The following VRK2 variants were observed in gnomAD, a reference collection of about 807,000 sequenced individuals.
VRK2 encodes serine/threonine-protein kinase VRK2.
In VRK2, 60 loss-of-function variants were observed where a neutral mutation model predicts 57.6. The ratio of observed to expected loss-of-function variants is 1.04; its 90% CI spans 0.85 to 1.29. The LOEUF (loss-of-function observed/expected upper bound fraction) is 1.29, where lower values mean the gene tolerates loss of function less well. Among genes scored for constraint, VRK2 ranks in the 50% most tolerant of loss-of-function variants. The pLI is 0.00. For synonymous variants in VRK2, 231 were observed against 199.2 expected (o/e 1.16, Z -1.35); for missense variants, 705 against 588.1 (o/e 1.20, Z -2.06).
intron 3 of VRK2, among the ~76,000 whole-genome samples, chr2:58,041,313 A>C (rs1298327210): frequency 1.3e-5 from 2 of 152,164 alleles, no homozygotes; most frequent in Non-Finnish European, 2.9e-5. Context: ...CTATAAATGA[A>C]AAATAAAATT....
intron 1 of VRK2, among the ~76,000 whole-genome samples, chr2:57,926,998 T>TGTGTGTGTGTGTG (rs540927767): frequency 2.7e-4 from 39 of 142,838 alleles, no homozygotes; most frequent in African/African-American, 5.7e-4. Context: ...TTTTAATTTC[T>TGTGTGTGTGTGTG]TGTGTGTGTG....
At chr2:58,118,100 C>T (rs1305991299) in intron 7 of VRK2, among the ~76,000 whole-genome samples, 1 of 152,034 alleles carries the variant, frequency 6.6e-6, no homozygotes. Context: ...CTTGCCCCTC[C>T]CCCAGAAAAG....
chr2:58,100,790 TA>T (rs1162796378), intron 7 of VRK2, among the ~76,000 whole-genome samples: 2 of 151,802 alleles, frequency 1.3e-5, no homozygotes, highest in East Asian at 3.8e-4. Flanking sequence ...CTCTCAGTAT[TA>T]TTTTTCAAAG....
At chr2:58,062,694 A>C (rs1362763276) in intron 2 of VRK2, among the ~76,000 whole-genome samples, 1 of 152,092 alleles carries the variant, frequency 6.6e-6, no homozygotes, top group African/African-American at 2.4e-5. Flanking sequence ...ATTCTGGGAA[A>C]GCTGAGAGAG....
intron 12 of VRK2, among the ~76,000 whole-genome samples, chr2:58,156,119 C>T (rs969010736): frequency 6.6e-6 from 1 of 151,888 alleles, no homozygotes; most frequent in African/African-American, 2.4e-5. Context: ...GATGCTTACT[C>T]TTTCTTGTCT....
chr2:58,129,168 A>G (rs1573281308), intron 8 of VRK2, among the ~76,000 whole-genome samples: 1 of 152,328 alleles, frequency 6.6e-6, no homozygotes, highest in African/African-American at 2.4e-5. Flanking sequence ...GTTCCAAGCA[A>G]TAATAAGTAA....
intron 1 of VRK2, among the ~76,000 whole-genome samples, chr2:57,913,906 T>C (rs1670068046): frequency 6.6e-6 from 1 of 152,074 alleles, no homozygotes; most frequent in African/African-American, 2.4e-5. Context: ...CTTAATTGAA[T>C]AAGTCATGTT....
At chr2:58,133,743 A>G (rs1679555742) in intron 9 of VRK2, among the ~76,000 whole-genome samples, 1 of 152,180 alleles carries the variant, frequency 6.6e-6, no homozygotes, top group Non-Finnish European at 1.5e-5. Flanking sequence ...AGATTTTGGA[A>G]TATTTGCATT....
At chr2:58,044,113 G>A (rs1201766246), upstream of VRK2, among the ~76,000 whole-genome samples, 1 of 152,178 alleles carries the variant, frequency 6.6e-6, no homozygotes, top group Non-Finnish European at 1.5e-5. Context: ...TGAATTAAGG[G>A]TTGAGGTTTC....
At chr2:58,031,941 A>G (rs1674122895) in intron 2 of VRK2, among the ~76,000 whole-genome samples, 1 of 152,138 alleles carries the variant, frequency 6.6e-6, no homozygotes. Context: ...TTCTTTGTCC[A>G]TCACACAATC....
chr2:57,917,053 T>C (rs1447842309), intron 1 of VRK2, among the ~76,000 whole-genome samples: 1 of 152,160 alleles, frequency 6.6e-6, no homozygotes, highest in East Asian at 1.9e-4. Flanking sequence ...TGATGAATCA[T>C]TAGGTTCTAA....
upstream of VRK2, chr2:58,046,805 C>T (rs1023648201): frequency 4.1e-6 from 4 of 985,534 alleles, no homozygotes; most frequent in Middle Eastern, 5.2e-4. Context: ...GGGGGCTCCG[C>T]CTCGTCGCAG....
At chr2:57,988,787 G>C (rs571807971) in intron 1 of VRK2, among the ~76,000 whole-genome samples, 2 of 152,036 alleles carry the variant, frequency 1.3e-5, no homozygotes, top group Non-Finnish European at 2.9e-5. Flanking sequence ...CCAATTTCCC[G>C]GTTCCCTGGT....
chr2:58,103,276 A>T (rs1482198352), intron 7 of VRK2, among the ~76,000 whole-genome samples: 1 of 151,394 alleles, frequency 6.6e-6, no homozygotes, highest in African/African-American at 2.4e-5. Flanking sequence ...ATAAATAAAT[A>T]AAAATTAAAA....
chr2:58,123,352 G>T lies in VRK2; in HGVS notation c.676+119G>T, dbSNP rs373123588. 125 of 1,247,770 alleles carry T rather than the reference G, an allele frequency of 1.0e-4. 1 individual carries two copies. In the African/African-American group the frequency reaches 1.7e-3, roughly 17 times the overall value. 77.3% of individuals were successfully genotyped at this position (1,247,770 alleles called of 1,614,324 possible). A position where few individuals can be genotyped will look rare whatever the true frequency, so the allele number is the denominator to read the frequency against. The stretch of plus-strand genomic sequence containing the variant: ...GTTTGAAGCATAAGAGCACTGGTGA[G>T]GTTTTTATCAAAAGTAATGAATTCC... On this transcript the variant is annotated intron_variant, in intron 8 of 12. Coordinates refer to ENST00000340157, the MANE Select transcript of VRK2 (RefSeq NM_006296.7).
At chr2:58,140,403 A>G (rs1681160999) in intron 11 of VRK2, among the ~76,000 whole-genome samples, 1 of 152,020 alleles carries the variant, frequency 6.6e-6, no homozygotes, top group Admixed American at 6.6e-5. Flanking sequence ...GATTTCGAGC[A>G]TTTTTAAGCG....
Position 58,159,754 on chromosome 2 carries a change from G to C in VRK2, c.*61G>C. 5 of 1,613,026 alleles carry C rather than the reference G, an allele frequency of 3.1e-6. No individual in the cohort carries two copies. The highest frequency in any genetic ancestry group is 4.2e-6 in the Non-Finnish European group (5 of 1,179,518). On this transcript the variant is annotated 3_prime_UTR_variant, in exon 13 of 13. Coordinates refer to ENST00000340157, the MANE Select transcript of VRK2 (RefSeq NM_006296.7). Reference sequence around the variant, plus strand: ...GTTTCCAGCTCTTCACCGAAATGTTGTATTCTTATTTCAGTGTTTCCTTCC... The same window carrying C: ...GTTTCCAGCTCTTCACCGAAATGTTCTATTCTTATTTCAGTGTTTCCTTCC...
At position 58,159,334 on chromosome 2, in the gene VRK2, G is replaced by A; in HGVS notation, c.1183-15G>A. The A allele has an allele frequency of 1.3e-6, 2 of 1,574,564 alleles. No individual in the cohort carries two copies. The highest frequency in any genetic ancestry group is 1.7e-6 in the Non-Finnish European group (2 of 1,161,670). On this transcript the variant is annotated splice_polypyrimidine_tract_variant and intron_variant, in intron 12 of 12. Coordinates refer to ENST00000340157, the MANE Select transcript of VRK2 (RefSeq NM_006296.7). ...ACGTCTAACAAACTAAACTATATAT[G>A]TATTTTTTCCATAGGAAAGCACAAG...
intron 1 of VRK2, among the ~76,000 whole-genome samples, chr2:57,965,310 A>G (rs1005040939): frequency 3.3e-5 from 5 of 152,252 alleles, no homozygotes; most frequent in Non-Finnish European, 7.3e-5. Flanking sequence ...ATGGGAAAAT[A>G]GCTAAATCTG....
Sources: gnomAD v4.1 joint callset for allele counts (sites outside exome capture counted in the v4.1 genomes callset) on GRCh38, gnomAD v4.1.1 for gene constraint, MANE v1.5 for transcripts, NCBI Gene and HGNC (gene_info 2026-07-23, HGNC 2026-07-21) for gene names.